Variants in UGT3A1 observed in about 807,000 individuals in gnomAD.
UGT3A1 encodes UDP-glycosyltransferase 3A1.
In UGT3A1, 40 loss-of-function variants were observed where a neutral mutation model predicts 37.6. The observed-to-expected ratio is 1.06, with a 90% confidence interval of 0.83 to 1.38. UGT3A1 has a LOEUF of 1.38. UGT3A1 is among the 40% of genes most tolerant of loss of function. The pLI, the probability that UGT3A1 is intolerant of heterozygous loss-of-function variation, is 0.00. For synonymous variants in UGT3A1, 256 were observed against 232.3 expected, an observed-to-expected ratio of 1.10 and a Z score of -0.93; for missense variants, 642 against 634.2, an observed-to-expected ratio of 1.01 and a Z score of -0.13.
intron 1 of UGT3A1, among the ~76,000 whole-genome samples, chr5:35,989,856 G>A (rs943941941): frequency 6.6e-5 from 10 of 152,252 alleles, no homozygotes; most frequent in African/African-American, 2.2e-4. Context: ...TGATTGAGGC[G>A]GGCGGATCAC....
At chr5:35,957,116 A>T in intron 5 of UGT3A1, 72 bp downstream of exon 5, 1 of 1,307,224 alleles carries the variant, frequency 7.6e-7, no homozygotes, top group Non-Finnish European at 1.1e-6. Context: ...ATGCCCAGCT[A>T]GAGGTCAGAA....
intron 4 of UGT3A1, among the ~76,000 whole-genome samples, chr5:35,959,268 T>A (rs143567348): frequency 7.3e-4 from 111 of 152,278 alleles, no homozygotes; most frequent in African/African-American, 2.6e-3. Flanking sequence ...AAATGTCCAA[T>A]TTTCAACAAA....
chr5:35,951,244 T>C lies in UGT3A1; in HGVS notation c.*2958A>G, dbSNP rs1739195235. On this transcript the variant is annotated 3_prime_UTR_variant, in exon 7 of 7. Coordinates refer to ENST00000274278, the MANE Select transcript of UGT3A1 (RefSeq NM_152404.4). ...TAACGTTTCCAAAATCCAAACTATG[T>C]AAAAACATAAACACATGGATCCTTC... is the stretch of plus-strand genomic sequence containing the variant. 6.6e-6 allele frequency: 1 copy of C among 152,152 alleles called. No individual in the cohort carries two copies. The highest frequency in any genetic ancestry group is 1.5e-5 in the Non-Finnish European group (1 of 67,984). 9.4% of individuals were successfully genotyped at this position (152,152 alleles called of 1,614,324 possible).
intron 2 of UGT3A1, among the ~76,000 whole-genome samples, chr5:35,976,919 AAG>A (rs1251233975): frequency 5.6e-4 from 83 of 148,458 alleles, no homozygotes; most frequent in African/African-American, 1.9e-3. Flanking sequence ...GAGAGAGAGA[AAG>A]AAAAAGAAAG....
chr5:35,955,514 T>C, intron 6 of UGT3A1, 131 bp downstream of exon 6: 3 of 1,049,058 alleles, frequency 2.9e-6, no homozygotes, highest in Non-Finnish European at 1.4e-6. Flanking sequence ...AGGTGGGCTG[T>C]TAGCATCACA....
intron 2 of UGT3A1, among the ~76,000 whole-genome samples, chr5:35,986,846 A>G (rs1740747115): frequency 6.6e-6 from 1 of 152,172 alleles, no homozygotes. Context: ...TCTAGAATAA[A>G]GAAAAAACAA....
intron 2 of UGT3A1, among the ~76,000 whole-genome samples, chr5:35,976,932 A>T (rs559240602): frequency 6.7e-6 from 1 of 149,676 alleles, no homozygotes; most frequent in Admixed American, 6.6e-5. Context: ...AAAAAGAAAG[A>T]AGAAAGAAAA....
intron 2 of UGT3A1, among the ~76,000 whole-genome samples, chr5:35,975,314 C>T (rs1386291045): frequency 1.3e-5 from 2 of 152,226 alleles, no homozygotes; most frequent in Non-Finnish European, 2.9e-5. Context: ...ACATTGATTG[C>T]CTGATTAGCA....
At chr5:35,988,692 G>A in intron 1 of UGT3A1, 141 bp from the exon 2 acceptor site, 1 of 634,396 alleles carries the variant, frequency 1.6e-6, no homozygotes, top group Non-Finnish European at 2.7e-6. Flanking sequence ...ATGGAGATAA[G>A]CGCTTCCTGT....
At chr5:35,954,755 C>A in intron 6 of UGT3A1, 1 of 467,502 alleles carries the variant, frequency 2.1e-6, no homozygotes, top group Non-Finnish European at 3.8e-6. Context: ...AGTCCATATC[C>A]CTAGGATGCT....
chr5:35,991,293 G>C lies in UGT3A1; in HGVS notation c.-53C>G, dbSNP rs991841574. ...CAGCCTGGGCTGCGCGCCCTGCGCC[G>C]GGCTAAGGACTCTGTGCGCGCCTCA... On this transcript the variant is annotated 5_prime_UTR_variant, in exon 1 of 7. Coordinates refer to ENST00000274278, the MANE Select transcript of UGT3A1 (RefSeq NM_152404.4). The C allele has an allele frequency of 1.2e-6, 2 of 1,610,744 alleles. No individual in the cohort carries two copies. The highest frequency in any genetic ancestry group is 2.7e-5 in the African/African-American group (2 of 74,896).
Position 35,952,048 on chromosome 5 carries a change from A to C in UGT3A1, c.*2154T>G, listed in dbSNP as rs1029057076. 6 of 152,244 alleles carry C rather than the reference A, an allele frequency of 3.9e-5. No homozygotes were observed. The highest frequency in any genetic ancestry group is 1.4e-4 in the African/African-American group (6 of 41,454). The allele number at this position is 152,244 out of a possible 1,614,324, so 9.4% of individuals were successfully genotyped here. On this transcript the variant is annotated 3_prime_UTR_variant, in exon 7 of 7. Transcript: ENST00000274278. ...TGTAATAAATAATTGCGATATAGTA[A>C]GAAAAATGCTTCAAAAGAGAATGCA...
chr5:35,957,546 T>C (rs1174959135), intron 4 of UGT3A1, 127 bp from the exon 5 acceptor site: 1 of 742,814 alleles, frequency 1.3e-6, no homozygotes, highest in Non-Finnish European at 2.2e-6. Context: ...CTCCCGAAGC[T>C]ATTATTATGG....
intron 1 of UGT3A1, among the ~76,000 whole-genome samples, chr5:35,998,336 A>G (rs1415815883): frequency 6.6e-6 from 1 of 152,226 alleles, no homozygotes; most frequent in East Asian, 1.9e-4. Context: ...GCCTCCTTGT[A>G]TGACAGCAAT....
Position 35,953,249 on chromosome 5 carries a change from G to A in UGT3A1, c.*953C>T, listed in dbSNP as rs368187857. ...GGAAGATAAAAAAGAAAAGATATGG[G>A]CTATTGATGACATGATGGAGCAACC... On this transcript the variant is annotated 3_prime_UTR_variant, in exon 7 of 7. Coordinates refer to ENST00000274278, the MANE Select transcript of UGT3A1 (RefSeq NM_152404.4). 19 of 152,446 alleles carry A rather than the reference G, an allele frequency of 1.2e-4. 2 individuals are homozygous for A. The highest frequency in any genetic ancestry group is 8.3e-4 in the South Asian group (4 of 4,822). 9.4% of individuals were successfully genotyped at this position (152,446 alleles called of 1,614,324 possible).
chr5:35,979,394 TAG>T (rs1328715460), intron 2 of UGT3A1, among the ~76,000 whole-genome samples: 1 of 152,182 alleles, frequency 6.6e-6, no homozygotes, highest in Non-Finnish European at 1.5e-5. Flanking sequence ...CTTTGCTGCT[TAG>T]AAATTTCTTC....
In UGT3A1 at chr5:35,965,729, G is replaced by A; in HGVS notation, c.500C>T (p.Pro167Leu). Reference protein sequence around the residue: ...KLVKPFVAILPTTFGSLDFGL... With the variant: ...KLVKPFVAILLTTFGSLDFGL... ...AAAATCCAAAGAGCCGAATGTGGTG[G>A]GAAGAATGGCCACAAATGGTTTCAC... Residue 167 changes from proline to leucine, a missense_variant, in exon 4 of 7, where the codon CCC becomes CTC. By Grantham distance (98) the Pro-to-Leu change is moderately conservative (BLOSUM62 -3). Coordinates refer to ENST00000274278, the MANE Select transcript of UGT3A1 (RefSeq NM_152404.4). The A allele has an allele frequency of 6.2e-7, 1 of 1,614,164 alleles. No individual in the cohort carries two copies.
At chr5:35,977,491 G>A in intron 2 of UGT3A1, among the ~76,000 whole-genome samples, 1 of 152,128 alleles carries the variant, frequency 6.6e-6, no homozygotes, top group South Asian at 2.1e-4. Flanking sequence ...TGTCACCATG[G>A]TAGTGAATTC....
intron 6 of UGT3A1, chr5:35,954,935 C>T (rs1377122780): frequency 6.1e-6 from 1 of 163,048 alleles, no homozygotes; most frequent in Non-Finnish European, 1.3e-5. Flanking sequence ...TTTATTTCCT[C>T]ACTTAACTGA....
Sources: gnomAD v4.1 joint callset for allele counts (sites outside exome capture counted in the v4.1 genomes callset) on GRCh38, gnomAD v4.1.1 for gene constraint, MANE v1.5 for transcripts, NCBI Gene and HGNC (gene_info 2026-07-23, HGNC 2026-07-21) for gene names.